Variants in GRM7 observed in about 807,000 individuals in gnomAD.
The protein encoded by GRM7 is metabotropic glutamate receptor 7.
A neutral mutation model predicts 84.5 loss-of-function variants in GRM7; 35 were observed. That is an observed-to-expected ratio of 0.41 (90% CI 0.32 to 0.55). The LOEUF is 0.55. Ranked by LOEUF, GRM7 falls within the 20% of genes least tolerant of loss-of-function variation. The pLI, the probability that GRM7 is intolerant of heterozygous loss-of-function variation, is 0.19. For missense variants in GRM7, 1,003 were observed against 1,194.6 expected, an observed-to-expected ratio of 0.84 and a Z score of 2.36; for synonymous variants, 487 against 455.1, an observed-to-expected ratio of 1.07 and a Z score of -0.89.
intron 4 of GRM7, among the ~76,000 whole-genome samples, chr3:7,378,159 C>T (rs148207683): frequency 4.7e-4 from 71 of 152,176 alleles, no homozygotes; most frequent in African/African-American, 1.6e-3. Flanking sequence ...CTGCACAGCC[C>T]GGGAAGAGAC....
chr3:7,113,480 G>A (rs113610569), intron 1 of GRM7, among the ~76,000 whole-genome samples: 500 of 152,092 alleles, frequency 3.3e-3, no homozygotes, highest in Middle Eastern at 0.01. Flanking sequence ...CAACTCCAAG[G>A]CTCAATTAAT....
At chr3:7,058,654 T>G (rs4308262) in intron 1 of GRM7, among the ~76,000 whole-genome samples, 151,938 of 151,938 alleles carry the variant, frequency 1, 75,969 homozygotes, top group Non-Finnish European at 1. Flanking sequence ...CCTCAGCAAG[T>G]CCATTTTTAC....
chr3:7,503,615 C>T (rs1440754031), intron 7 of GRM7, among the ~76,000 whole-genome samples: 1 of 152,130 alleles, frequency 6.6e-6, no homozygotes, highest in Non-Finnish European at 1.5e-5. Flanking sequence ...TGTACATGCA[C>T]TGTCTGTAGA....
At chr3:6,947,743 G>T (rs965040842) in intron 1 of GRM7, among the ~76,000 whole-genome samples, 4 of 152,132 alleles carry the variant, frequency 2.6e-5, no homozygotes, top group African/African-American at 4.8e-5. Flanking sequence ...CCTGTTATTG[G>T]TCTATTCAGA....
In GRM7 at chr3:6,861,272, T is replaced by C. The variant is rs978076310; in HGVS notation, c.-117T>C. On this transcript the variant is annotated 5_prime_UTR_variant, in exon 1 of 10. Coordinates refer to ENST00000357716, the MANE Select transcript of GRM7 (RefSeq NM_000844.4). The surrounding 1 kb of genome is among the most constrained non-coding windows in gnomAD (Gnocchi z 6.4). ...CCTCCCCGGATTCCCCCACCCTCCG[T>C]GCCTGCAGGAGCCCCTGGGCTTTCC... is the stretch of plus-strand genomic sequence containing the variant. The C allele has an allele frequency of 8.5e-6, 7 of 823,868 alleles. 1 individual carries two copies. The highest frequency in any genetic ancestry group is 3.9e-5 in the Admixed American group (1 of 25,402). The allele number at this position is 823,868 out of a possible 1,614,324, so 51.0% of individuals were successfully genotyped here.
At chr3:7,055,417 G>A (rs928197447) in intron 1 of GRM7, among the ~76,000 whole-genome samples, 8 of 151,210 alleles carry the variant, frequency 5.3e-5, no homozygotes, top group South Asian at 4.2e-4. Flanking sequence ...TCAGGCTAAC[G>A]ATTTCCTCTC....
chr3:7,071,724 C>G (rs564501601), intron 1 of GRM7, among the ~76,000 whole-genome samples: 4 of 152,122 alleles, frequency 2.6e-5, no homozygotes, highest in African/African-American at 9.6e-5. Context: ...TTCAAATTTA[C>G]TTTCTTGACA....
chr3:7,540,538 A>T (rs528576187), intron 7 of GRM7, among the ~76,000 whole-genome samples: 1 of 152,212 alleles, frequency 6.6e-6, no homozygotes, highest in Non-Finnish European at 1.5e-5. Context: ...CCATAAAGAC[A>T]GTAGATTAGT....
chr3:7,448,644 T>C (rs1055271343), intron 5 of GRM7, among the ~76,000 whole-genome samples: 16 of 152,186 alleles, frequency 1.1e-4, no homozygotes, highest in South Asian at 1.0e-3. Context: ...TTGTCACTTC[T>C]GATTTTGTTG....
chr3:7,472,671 G>C (rs1698751492), intron 7 of GRM7, among the ~76,000 whole-genome samples: 1 of 152,108 alleles, frequency 6.6e-6, no homozygotes, highest in Admixed American at 6.6e-5. Flanking sequence ...TGAGAGATGA[G>C]GCAACAAACT....
rs150910449 is a variant in GRM7, at chr3:7,504,449, T to A, written c.1515+42727T>A. Among the ~76,000 whole-genome samples, 29 of 152,312 alleles carry A rather than the reference T, an allele frequency of 1.9e-4. No homozygotes were observed. In the East Asian group the frequency reaches 5.6e-3, roughly 29 times the overall value. On this transcript the variant is annotated intron_variant, in intron 7 of 9. Coordinates refer to ENST00000357716, the MANE Select transcript of GRM7 (RefSeq NM_000844.4). ...ACATATATCTTAGTTTACTTTCTCT[T>A]ACTATAAAAGAATACCACAGACCGA... is the stretch of plus-strand genomic sequence containing the variant.
intron 7 of GRM7, among the ~76,000 whole-genome samples, chr3:7,483,861 C>T (rs183778089): frequency 6.9e-4 from 105 of 151,666 alleles, no homozygotes; most frequent in Non-Finnish European, 1.3e-4. Flanking sequence ...ATAAAACACG[C>T]AAAATGGACA....
chr3:6,916,899 G>A (rs143653459), intron 1 of GRM7, among the ~76,000 whole-genome samples: 65 of 152,238 alleles, frequency 4.3e-4, no homozygotes, highest in Non-Finnish European at 8.7e-4. Flanking sequence ...TGGTGGCTGG[G>A]TGGGGGCAGA....
chr3:7,312,473 G>A (rs879009591), intron 4 of GRM7, among the ~76,000 whole-genome samples: 6 of 152,112 alleles, frequency 3.9e-5, no homozygotes, highest in Admixed American at 6.5e-5. Flanking sequence ...TGTCCCTGGG[G>A]CTTGGTAGGG....
intron 2 of GRM7, among the ~76,000 whole-genome samples, chr3:7,235,199 C>T (rs1697311823): frequency 6.6e-6 from 1 of 152,194 alleles, no homozygotes. Flanking sequence ...CGAGTGCCTT[C>T]CTTCCTTTGT....
At chr3:6,895,041 A>G (rs1410331671) in intron 1 of GRM7, among the ~76,000 whole-genome samples, 3 of 152,200 alleles carry the variant, frequency 2.0e-5, no homozygotes, top group Non-Finnish European at 4.4e-5. Flanking sequence ...CAATAGGAGT[A>G]GAAAAGAAAA....
intron 7 of GRM7, among the ~76,000 whole-genome samples, chr3:7,552,259 C>T (rs530174937): frequency 6.6e-6 from 1 of 152,334 alleles, no homozygotes; most frequent in Admixed American, 6.5e-5. Context: ...CAGTCTTGGG[C>T]AGCTCCACCC....
At chr3:7,370,573 TTCAGGTATATCTTTATCAG>T (rs1331735557) in intron 4 of GRM7, among the ~76,000 whole-genome samples, 1 of 100,354 alleles carries the variant, frequency 1.0e-5, no homozygotes, top group African/African-American at 5.5e-5. Context: ...CTCATGAAGG[TTCAGGTATATCTTTATCAG>T]CAGCATGAAA....
At chr3:7,448,477 C>G (rs765846580) in intron 5 of GRM7, among the ~76,000 whole-genome samples, 1 of 152,148 alleles carries the variant, frequency 6.6e-6, no homozygotes, top group African/African-American at 2.4e-5. Context: ...TCCTTACTCA[C>G]ATTGGTGGCC....
Sources: gnomAD v4.1 joint callset for allele counts (sites outside exome capture counted in the v4.1 genomes callset) on GRCh38, gnomAD v4.1.1 for gene constraint, Gnocchi (gnomAD v3.1) non-coding constraint, MANE v1.5 for transcripts, NCBI Gene and HGNC (gene_info 2026-07-23, HGNC 2026-07-21) for gene names.